Variants in LHFPL3 observed in about 807,000 individuals in gnomAD.
LHFPL3 encodes LHFPL tetraspan subfamily member 3 protein.
In LHFPL3, 5 loss-of-function variants were observed where a neutral mutation model predicts 19.3. The ratio of observed to expected loss-of-function variants is 0.26; its 90% CI spans 0.14 to 0.54. LHFPL3 has a LOEUF of 0.54. LHFPL3 is among the 20% of genes least tolerant of loss of function. LHFPL3 has a pLI of 0.94. For synonymous variants in LHFPL3, 133 were observed against 126.2 expected (o/e 1.05, Z -0.36); for missense variants, 249 against 307.4 (o/e 0.81, Z 1.42).
chr7:104,507,505 C>G (rs1433878811), intron 1 of LHFPL3, among the ~76,000 whole-genome samples: 1 of 121,976 alleles, frequency 8.2e-6, no homozygotes, highest in Non-Finnish European at 1.8e-5. Flanking sequence ...CATAAAAACC[C>G]TAGAAGAAAA....
At position 104,829,781 on chromosome 7, in the gene LHFPL3, C is replaced by T. The variant is rs192297831; in HGVS notation, c.683-76406C>T. On this transcript the variant is annotated intron_variant, in intron 2 of 2. Coordinates refer to ENST00000424859, the MANE Select transcript of LHFPL3 (RefSeq NM_199000.3). ...GTCTTTGCTATTGTGAATAGTGCCACGATAAACATACGTGTGCGTGTGTCT... is the reference window on the plus strand; with the variant it reads ...GTCTTTGCTATTGTGAATAGTGCCATGATAAACATACGTGTGCGTGTGTCT... Among the ~76,000 whole-genome samples, 1,000 of 152,018 alleles carry T rather than the reference C, an allele frequency of 6.6e-3. 21 individuals are homozygous for T. The highest frequency in any genetic ancestry group is 0.023 in the African/African-American group (943 of 41,306).
chr7:104,683,313 G>T (rs919527173), intron 1 of LHFPL3, among the ~76,000 whole-genome samples: 1 of 152,032 alleles, frequency 6.6e-6, no homozygotes, highest in Non-Finnish European at 1.5e-5. Flanking sequence ...GTAACCTGTT[G>T]GTTTTTTTGT....
intron 2 of LHFPL3, among the ~76,000 whole-genome samples, chr7:104,847,981 G>A (rs1791342366): frequency 6.6e-6 from 1 of 152,186 alleles, no homozygotes; most frequent in South Asian, 2.1e-4. Context: ...CTGGTGGGAG[G>A]AGCAGGACAG....
chr7:104,718,785 T>G (rs973618944), intron 1 of LHFPL3, among the ~76,000 whole-genome samples: 2 of 152,174 alleles, frequency 1.3e-5, no homozygotes, highest in Non-Finnish European at 2.9e-5. Context: ...CTCAATAATC[T>G]GGACCCAGGC....
intron 1 of LHFPL3, among the ~76,000 whole-genome samples, chr7:104,605,234 T>C (rs1045134826): frequency 1.3e-5 from 2 of 152,196 alleles, no homozygotes; most frequent in Non-Finnish European, 2.9e-5. Flanking sequence ...TTTACTTTGT[T>C]TCCTAAAGAC....
At chr7:104,666,342 C>T (rs1317272359) in intron 1 of LHFPL3, among the ~76,000 whole-genome samples, 1 of 151,774 alleles carries the variant, frequency 6.6e-6, no homozygotes, top group Non-Finnish European at 1.5e-5. Context: ...ATACACTTTT[C>T]CCAGCCTCTG....
intron 1 of LHFPL3, among the ~76,000 whole-genome samples, chr7:104,588,983 G>T (rs1238234792): frequency 6.6e-6 from 1 of 152,184 alleles, no homozygotes; most frequent in African/African-American, 2.4e-5. Context: ...GACTGCTGAA[G>T]TTGCTTATCA....
intron 1 of LHFPL3, among the ~76,000 whole-genome samples, chr7:104,380,291 T>C (rs1790802641): frequency 6.6e-6 from 1 of 152,292 alleles, no homozygotes; most frequent in South Asian, 2.1e-4. Context: ...AATAATGTAC[T>C]TGTACAGATA....
At chr7:104,440,214 C>G (rs1792196304) in intron 1 of LHFPL3, among the ~76,000 whole-genome samples, 1 of 151,566 alleles carries the variant, frequency 6.6e-6, no homozygotes. Flanking sequence ...ACATGTACAC[C>G]ATGAAATACT....
intron 1 of LHFPL3, among the ~76,000 whole-genome samples, chr7:104,732,006 G>C (rs2116284368): frequency 6.6e-6 from 1 of 152,312 alleles, no homozygotes; most frequent in East Asian, 1.9e-4. Context: ...CTTTGGTTCT[G>C]TTTATATGAT....
chr7:104,829,594 C>T (rs1310255501), intron 2 of LHFPL3, among the ~76,000 whole-genome samples: 1 of 151,124 alleles, frequency 6.6e-6, no homozygotes, highest in African/African-American at 2.5e-5. Context: ...GGTTTTTTGT[C>T]CTTGCAATAG....
intron 2 of LHFPL3, among the ~76,000 whole-genome samples, chr7:104,786,206 T>C (rs1425519812): frequency 2.0e-5 from 3 of 152,182 alleles, no homozygotes; most frequent in Admixed American, 1.3e-4. Flanking sequence ...GCTTAGCCAC[T>C]GGTTAAAGAC....
intron 1 of LHFPL3, among the ~76,000 whole-genome samples, chr7:104,429,481 TTTTG>T (rs1222826922): frequency 6.9e-6 from 1 of 145,070 alleles, no homozygotes; most frequent in Non-Finnish European, 1.5e-5. Flanking sequence ...CTATTTTTTG[TTTTG>T]TTTTTTTTTT....
intron 2 of LHFPL3, among the ~76,000 whole-genome samples, chr7:104,793,655 G>T (rs1034451783): frequency 6.6e-6 from 1 of 152,138 alleles, no homozygotes; most frequent in Non-Finnish European, 1.5e-5. Context: ...ACAAGAGCTG[G>T]GTTTGTTTTG....
At chr7:104,506,682 T>G (rs1232656097) in intron 1 of LHFPL3, among the ~76,000 whole-genome samples, 1 of 152,254 alleles carries the variant, frequency 6.6e-6, no homozygotes, top group Non-Finnish European at 1.5e-5. Context: ...TTCTGTGATT[T>G]GTACAAGGTC....
At chr7:104,470,293 T>C (rs1425643916) in intron 1 of LHFPL3, among the ~76,000 whole-genome samples, 14 of 152,236 alleles carry the variant, frequency 9.2e-5, no homozygotes, top group Admixed American at 7.8e-4. Flanking sequence ...TAATTCTGAA[T>C]TTGAGAAAAT....
At chr7:104,342,984 T>C (rs1370030141) in intron 1 of LHFPL3, among the ~76,000 whole-genome samples, 1 of 142,012 alleles carries the variant, frequency 7.0e-6, no homozygotes, top group African/African-American at 2.7e-5. Flanking sequence ...TTGCATATTA[T>C]TAAAGAATTG....
chr7:104,827,891 G>A (rs1369184247), intron 2 of LHFPL3, among the ~76,000 whole-genome samples: 1 of 151,848 alleles, frequency 6.6e-6, no homozygotes, highest in Non-Finnish European at 1.5e-5. Flanking sequence ...CCTCACAAAG[G>A]AGGCTAGACC....
In LHFPL3 at chr7:104,456,991, T is replaced by C. The variant is rs945953167; in HGVS notation, c.445+127767T>C. Reference sequence around the variant, plus strand: ...CAAAATTATGGGTAAGGGGGGACTGTTGTACATTCCAATATGGAAACTCTG... The same window carrying C: ...CAAAATTATGGGTAAGGGGGGACTGCTGTACATTCCAATATGGAAACTCTG... On this transcript the variant is annotated intron_variant, in intron 1 of 2. Transcript: ENST00000424859. 7.9e-5 allele frequency among the ~76,000 whole-genome samples: 12 copies of C among 152,300 alleles called. No homozygotes were observed. In the East Asian group the frequency reaches 2.1e-3, roughly 27 times the overall value.
Sources: allele counts gnomAD v4.1 joint callset (sites outside exome capture counted in the v4.1 genomes callset), GRCh38; gene constraint gnomAD v4.1.1; transcripts MANE v1.5; gene names NCBI Gene and HGNC (gene_info 2026-07-23, HGNC 2026-07-21).